The following KDM4C variants were observed in gnomAD, a reference collection of about 807,000 sequenced individuals.
The protein encoded by KDM4C is lysine demethylase 4C, also known as lysine-specific demethylase 4C.
Under a neutral mutation model 129.3 loss-of-function variants are expected in KDM4C, and 81 were observed. The ratio of observed to expected loss-of-function variants is 0.63; its 90% confidence interval spans 0.52 to 0.75. The LOEUF (loss-of-function observed/expected upper bound fraction) is 0.75, where lower values mean the gene tolerates loss of function less well. KDM4C is among the 30% of genes least tolerant of loss of function. KDM4C has a pLI of 0.00. For synonymous variants in KDM4C, 573 were observed against 456.1 expected, an observed-to-expected ratio of 1.26 and a Z score of -3.26; for missense variants, 1,457 against 1,304.0, an observed-to-expected ratio of 1.12 and a Z score of -1.81.
At chr9:7,171,771 CT>C (rs770176445) in intron 21 of KDM4C, among the ~76,000 whole-genome samples, 77 of 152,098 alleles carry the variant, frequency 5.1e-4, no homozygotes, top group Non-Finnish European at 9.7e-4. Context: ...CCTGGATTTT[CT>C]AAGGTCTATT....
At chr9:6,864,488 T>G (rs1489246788) in intron 5 of KDM4C, among the ~76,000 whole-genome samples, 1 of 152,166 alleles carries the variant, frequency 6.6e-6, no homozygotes, top group Non-Finnish European at 1.5e-5. Context: ...TAATCTTATT[T>G]GGGTCATATC....
intron 18 of KDM4C, among the ~76,000 whole-genome samples, chr9:7,123,264 G>C (rs755670092): frequency 6.6e-6 from 1 of 152,162 alleles, no homozygotes; most frequent in Non-Finnish European, 1.5e-5. Context: ...TATAAAGCCT[G>C]CATCACCTTC....
intron 5 of KDM4C, among the ~76,000 whole-genome samples, chr9:6,871,966 G>A (rs1287006792): frequency 1.3e-5 from 2 of 152,112 alleles, no homozygotes; most frequent in African/African-American, 2.4e-5. Context: ...GGGATGAGAT[G>A]GCTGAAATTT....
intron 4 of KDM4C, among the ~76,000 whole-genome samples, chr9:6,845,415 G>C (rs1268947214): frequency 6.6e-6 from 1 of 152,008 alleles, no homozygotes; most frequent in Non-Finnish European, 1.5e-5. Flanking sequence ...GGGTCTCACT[G>C]TGTTGCCCAG....
At chr9:6,785,341 C>CTTTT (rs112696938) in intron 1 of KDM4C, among the ~76,000 whole-genome samples, 1 of 145,472 alleles carries the variant, frequency 6.9e-6, no homozygotes, top group Non-Finnish European at 1.5e-5. Context: ...TCCTCTTCCT[C>CTTTT]TTTTTTTTTT....
intron 2 of KDM4C, among the ~76,000 whole-genome samples, chr9:6,795,325 TA>T (rs1480936425): frequency 6.6e-5 from 10 of 151,594 alleles, no homozygotes; most frequent in African/African-American, 1.9e-4. Flanking sequence ...TATATATATA[TA>T]TTTTTTGTTG....
intron 15 of KDM4C, among the ~76,000 whole-genome samples, chr9:7,018,218 G>A (rs1041685289): frequency 1.3e-5 from 2 of 152,148 alleles, no homozygotes; most frequent in Non-Finnish European, 1.5e-5. Context: ...CCTGAGTAGT[G>A]TAGGCAATTT....
At chr9:6,919,044 G>T (rs921179972) in intron 8 of KDM4C, among the ~76,000 whole-genome samples, 10 of 151,976 alleles carry the variant, frequency 6.6e-5, no homozygotes, top group African/African-American at 2.2e-4. Context: ...GTAGAGATGG[G>T]GTTTCACCAT....
At chr9:7,074,262 C>T (rs1461053134) in intron 17 of KDM4C, among the ~76,000 whole-genome samples, 1 of 151,980 alleles carries the variant, frequency 6.6e-6, no homozygotes. Context: ...CTCTTGGGTT[C>T]AAACAATTCT....
chr9:6,990,415 G>C lies in KDM4C; in HGVS notation c.1678-1G>C. Reference sequence around the variant, plus strand: ...CTCCACCATTTTTGTTCTATAACTAGATAGCAGAGGGAGAGAACAAAACCT... The same window carrying C: ...CTCCACCATTTTTGTTCTATAACTACATAGCAGAGGGAGAGAACAAAACCT... On this transcript the variant is annotated splice_acceptor_variant, in intron 11 of 21. Coordinates refer to ENST00000381309, the MANE Select transcript of KDM4C (RefSeq NM_015061.6). LOFTEE classifies it high-confidence loss of function. 1 of 1,598,900 alleles carries C rather than the reference G, an allele frequency of 6.3e-7. No individual in the cohort carries two copies.
intron 17 of KDM4C, among the ~76,000 whole-genome samples, chr9:7,075,627 T>G (rs989299410): frequency 9.2e-5 from 14 of 152,142 alleles, no homozygotes; most frequent in Non-Finnish European, 1.8e-4. Context: ...CCTCACCACA[T>G]GCAGATGCCC....
intron 15 of KDM4C, among the ~76,000 whole-genome samples, chr9:7,027,505 C>T (rs867212467): frequency 6.6e-6 from 1 of 152,168 alleles, no homozygotes; most frequent in Admixed American, 6.5e-5. Flanking sequence ...TCTGTTGTTA[C>T]CACCTCTAGG....
intron 4 of KDM4C, among the ~76,000 whole-genome samples, chr9:6,842,491 C>T (rs997602355): frequency 2.0e-5 from 3 of 151,460 alleles, no homozygotes; most frequent in African/African-American, 7.3e-5. Context: ...CACACCACCA[C>T]GCCTGGCTAA....
At chr9:6,958,084 CT>C (rs34489986) in intron 8 of KDM4C, among the ~76,000 whole-genome samples, 46,519 of 143,968 alleles carry the variant, frequency 0.32, 7,929 homozygotes, top group East Asian at 0.64. Flanking sequence ...AGCAAAGTAG[CT>C]TTTTTTTTTT....
intron 2 of KDM4C, among the ~76,000 whole-genome samples, chr9:6,802,681 G>T (rs1829230774): frequency 6.6e-6 from 1 of 152,172 alleles, no homozygotes; most frequent in Admixed American, 6.5e-5. Flanking sequence ...AGGCTGTAGT[G>T]CAGTGGTGTG....
intron 15 of KDM4C, among the ~76,000 whole-genome samples, chr9:7,024,366 G>T (rs1362514328): frequency 6.7e-6 from 1 of 149,706 alleles, no homozygotes; most frequent in Non-Finnish European, 1.5e-5. Context: ...TAAGTTTTAG[G>T]GTACATGTGC....
chr9:6,981,538 C>G (rs569657253), intron 9 of KDM4C, among the ~76,000 whole-genome samples: 1 of 152,180 alleles, frequency 6.6e-6, no homozygotes, highest in Non-Finnish European at 1.5e-5. Flanking sequence ...CTGCTCTCTT[C>G]TGGATGCTTA....
chr9:6,804,730 G>T (rs1588389839), intron 2 of KDM4C, among the ~76,000 whole-genome samples: 1 of 149,312 alleles, frequency 6.7e-6, no homozygotes, highest in Middle Eastern at 3.5e-3. Flanking sequence ...CTGCTCCCCA[G>T]CCGAGTAACA....
intron 1 of KDM4C, among the ~76,000 whole-genome samples, chr9:6,791,776 A>G (rs1826675253): frequency 6.6e-6 from 1 of 152,108 alleles, no homozygotes; most frequent in Middle Eastern, 3.2e-3. Context: ...TAATCCCAGC[A>G]CTTTGGGAGG....
Sources: gnomAD v4.1 joint callset for allele counts (sites outside exome capture counted in the v4.1 genomes callset) on GRCh38, gnomAD v4.1.1 for gene constraint, MANE v1.5 for transcripts, NCBI Gene and HGNC (gene_info 2026-07-23, HGNC 2026-07-21) for gene names.